Variants in F13A1 observed in about 807,000 individuals in gnomAD.
F13A1 encodes the protein coagulation factor XIII A chain.
F13A1 carries 47 observed loss-of-function variants against 80.1 expected under a neutral mutation model. The ratio of observed to expected loss-of-function variants is 0.59; its 90% confidence interval spans 0.46 to 0.75. The LOEUF (loss-of-function observed/expected upper bound fraction) is 0.75, where lower values mean the gene tolerates loss of function less well. Among genes scored for constraint, F13A1 ranks in the 30% least tolerant of loss-of-function variants. F13A1 has a pLI of 0.00. For missense variants in F13A1, 817 were observed against 930.4 expected, an observed-to-expected ratio of 0.88 and a Z score of 1.59; for synonymous variants, 349 against 344.9, an observed-to-expected ratio of 1.01 and a Z score of -0.13.
Position 6,158,466 on chromosome 6 carries a change from C to CA in F13A1, c.1909-6518dup, listed in dbSNP as rs567211656. ...GAGGTTTAAAGGGAGAACATGTTGCCAGGGTGACCCTGAGAACCTCCTCAC... is the reference window on the plus strand; with the variant it reads ...GAGGTTTAAAGGGAGAACATGTTGCCAAGGGTGACCCTGAGAACCTCCTCAC... On this transcript the variant is annotated intron_variant, in intron 13 of 14. Transcript: ENST00000264870. 6.6e-5 allele frequency among the ~76,000 whole-genome samples: 10 copies of CA among 152,226 alleles called. No homozygotes were observed. The South Asian group carries it at 2.1e-3, about 32-fold the overall frequency.
intron 3 of F13A1, among the ~76,000 whole-genome samples, chr6:6,290,557 T>C (rs1034162283): frequency 5.9e-5 from 9 of 152,216 alleles, no homozygotes; most frequent in Admixed American, 1.3e-4. Flanking sequence ...TATATATTAA[T>C]GTGCCTTGGG....
chr6:6,239,395 T>G lies in F13A1; in HGVS notation c.798+8917A>C, dbSNP rs529104035. Among the ~76,000 whole-genome samples, 6 of 152,162 alleles carry G rather than the reference T, an allele frequency of 3.9e-5. No homozygotes were observed. The East Asian group carries it at 9.6e-4, about 24-fold the overall frequency. On this transcript the variant is annotated intron_variant, in intron 6 of 14. Coordinates refer to ENST00000264870, the MANE Select transcript of F13A1 (RefSeq NM_000129.4). Reference sequence around the variant, plus strand: ...GTCTATATTTTGATTGGGGTGGTGATTACCCCAATCAAAAGTCATTGAATT... The same window carrying G: ...GTCTATATTTTGATTGGGGTGGTGAGTACCCCAATCAAAAGTCATTGAATT...
At chr6:6,220,323 C>A (rs1168025399) in intron 8 of F13A1, among the ~76,000 whole-genome samples, 16 of 152,178 alleles carry the variant, frequency 1.1e-4, no homozygotes, top group Admixed American at 9.2e-4. Context: ...ACCAAAGGAA[C>A]AAATGGTGTC....
At chr6:6,252,596 T>C (rs759374035) in intron 4 of F13A1, among the ~76,000 whole-genome samples, 8 of 152,202 alleles carry the variant, frequency 5.3e-5, no homozygotes, top group Non-Finnish European at 1.0e-4. Context: ...GTCATATAAG[T>C]AGATATTCAT....
At chr6:6,220,217 G>A (rs1757172232) in intron 8 of F13A1, among the ~76,000 whole-genome samples, 1 of 152,222 alleles carries the variant, frequency 6.6e-6, no homozygotes, top group South Asian at 2.1e-4. Flanking sequence ...CAAAGGAAGG[G>A]AAGAGGAGTC....
intron 8 of F13A1, among the ~76,000 whole-genome samples, chr6:6,209,024 A>G (rs1761547771): frequency 6.6e-6 from 1 of 152,190 alleles, no homozygotes; most frequent in Admixed American, 6.5e-5. Context: ...AGTGCTTCAA[A>G]GAACACCATT....
chr6:6,318,780 G>C, intron 1 of F13A1, 98 bp from the exon 2 acceptor site: 1 of 1,279,008 alleles, frequency 7.8e-7, no homozygotes, highest in Non-Finnish European at 1.1e-6. Context: ...ATATATCTGT[G>C]TGTGATAGCA....
intron 2 of F13A1, among the ~76,000 whole-genome samples, chr6:6,317,758 A>C (rs1758705266): frequency 6.6e-6 from 1 of 152,274 alleles, no homozygotes; most frequent in Admixed American, 6.5e-5. Flanking sequence ...TAGGAGTAAA[A>C]TTAGATTTTG....
At chr6:6,284,236 CA>C (rs1181752475) in intron 3 of F13A1, among the ~76,000 whole-genome samples, 1 of 152,128 alleles carries the variant, frequency 6.6e-6, no homozygotes. Context: ...ACACTCCACT[CA>C]AATGTCTTTG....
chr6:6,197,259 G>T lies in F13A1; in HGVS notation c.1180C>A (p.Gln394Lys). The change falls in exon 9 of 15, where the codon CAA (glutamine) becomes AAA (lysine). Residue 394 changes from glutamine (Q) to lysine (K), a missense_variant. Gln to Lys is a moderately conservative substitution (Grantham distance 53). Coordinates refer to ENST00000264870, the MANE Select transcript of F13A1 (RefSeq NM_000129.4). ...TCCTGGGGGGTGCTGTCCACAGCTTGCCAGCCTCCAAATCCAACAGGAAGG... is the reference window on the plus strand; with the variant it reads ...TCCTGGGGGGTGCTGTCCACAGCTTTCCAGCCTCCAAATCCAACAGGAAGG... ...PDLPVGFGGWQAVDSTPQENS... is the reference protein window; with the variant it reads ...PDLPVGFGGWKAVDSTPQENS... The T allele has an allele frequency of 6.2e-7, 1 of 1,614,188 alleles. No homozygotes were observed. Among genetic ancestry groups the T allele is most frequent in the East Asian group, 2.2e-5 (1 of 44,880 alleles).
intron 3 of F13A1, among the ~76,000 whole-genome samples, chr6:6,276,264 A>G (rs1288272679): frequency 6.6e-6 from 1 of 152,086 alleles, no homozygotes; most frequent in Non-Finnish European, 1.5e-5. Flanking sequence ...AGGAGGGGAG[A>G]TGTCAGGGTG....
chr6:6,231,453 A>G (rs1257832022), intron 6 of F13A1, among the ~76,000 whole-genome samples: 1 of 151,738 alleles, frequency 6.6e-6, no homozygotes, highest in Non-Finnish European at 1.5e-5. Flanking sequence ...GCTAAGAATA[A>G]TCGGTGTTCC....
At chr6:6,295,019 T>C (rs1301340426) in intron 3 of F13A1, among the ~76,000 whole-genome samples, 1 of 146,728 alleles carries the variant, frequency 6.8e-6, no homozygotes, top group African/African-American at 2.7e-5. Flanking sequence ...CTTGCGATAG[T>C]TTACTGAGAA....
intron 13 of F13A1, among the ~76,000 whole-genome samples, chr6:6,158,886 G>T (rs1286493525): frequency 1.3e-5 from 2 of 150,632 alleles, no homozygotes; most frequent in South Asian, 2.1e-4. Context: ...ATCTCAAGTG[G>T]TTTCCCCTTT....
intron 2 of F13A1, among the ~76,000 whole-genome samples, chr6:6,308,176 C>T (rs993242874): frequency 3.3e-5 from 5 of 151,924 alleles, no homozygotes; most frequent in Non-Finnish European, 7.4e-5. Context: ...CACCATGCCC[C>T]GCTAATTTTT....
intron 3 of F13A1, among the ~76,000 whole-genome samples, chr6:6,296,403 G>C (rs1457903741): frequency 1.4e-5 from 2 of 144,350 alleles, no homozygotes; most frequent in Non-Finnish European, 3.0e-5. Context: ...CCATTTGTTT[G>C]TATCCTCTTT....
chr6:6,201,004 AC>A, intron 8 of F13A1, among the ~76,000 whole-genome samples: 1 of 152,108 alleles, frequency 6.6e-6, no homozygotes, highest in Non-Finnish European at 1.5e-5. Flanking sequence ...CCAGGGAAAA[AC>A]AGCAATAAAA....
Position 6,201,967 on chromosome 6 carries a change from AATAATTGT to A in F13A1, c.1113-4649_1113-4642del, listed in dbSNP as rs556113927. Reference sequence around the variant, plus strand: ...TCTTTAATTTTTTAAATAGACACATAATAATTGTATAATTGTATATATTATAGGGTACA... The same window carrying A: ...TCTTTAATTTTTTAAATAGACACATAATAATTGTATATATTATAGGGTACA... On this transcript the variant is annotated intron_variant, in intron 8 of 14. Coordinates refer to ENST00000264870, the MANE Select transcript of F13A1 (RefSeq NM_000129.4). 2.2e-4 allele frequency among the ~76,000 whole-genome samples: 34 copies of A among 152,342 alleles called. 1 individual carries two copies. In the South Asian group the frequency reaches 6.8e-3, roughly 31 times the overall value.
chr6:6,157,434 C>CTT (rs3059190), intron 13 of F13A1, among the ~76,000 whole-genome samples: 15,122 of 150,416 alleles, frequency 0.1, 850 homozygotes, highest in Non-Finnish European at 0.13. Context: ...AAAATAGAAA[C>CTT]TTTTTTTTTT....
Sources: allele counts gnomAD v4.1 joint callset (sites outside exome capture counted in the v4.1 genomes callset), GRCh38; gene constraint gnomAD v4.1.1; transcripts MANE v1.5; gene names NCBI Gene and HGNC (gene_info 2026-07-23, HGNC 2026-07-21).